BTN3A2: variants seen among roughly 807,000 people sequenced by gnomAD.
BTN3A2 encodes the protein butyrophilin subfamily 3 member A2.
BTN3A2 carries 25 observed loss-of-function variants against 37.6 expected under a neutral mutation model. The observed-to-expected ratio is 0.66, with a 90% confidence interval of 0.48 to 0.93. BTN3A2 has a LOEUF of 0.93. Ranked by LOEUF, BTN3A2 falls within the 40% of genes least tolerant of loss-of-function variation. The pLI is 0.00. For synonymous variants in BTN3A2, 122 were observed against 159.4 expected (o/e 0.77, Z 1.77); for missense variants, 266 against 410.9 (o/e 0.65, Z 3.05).
chr6:26,372,918 A>G lies in BTN3A2; in HGVS notation c.737A>G (p.Gln246Arg). 1 of 1,613,824 alleles carries G rather than the reference A, an allele frequency of 6.2e-7. No individual in the cohort carries two copies. The highest frequency in any genetic ancestry group is 8.5e-7 in the Non-Finnish European group (1 of 1,180,034). The change falls in exon 6 of 11, where the codon CAG (glutamine) becomes CGG (arginine). Residue 246 changes from glutamine (Q) to arginine (R), a missense_variant. By Grantham distance (43) the Gln-to-Arg change is conservative. Coordinates refer to ENST00000377708, the MANE Select transcript of BTN3A2 (RefSeq NM_007047.5). ...SIADPFFRSA[Q>R]PWIAALAGTL... ...GCAGACCCCTTCTTCAGGAGCGCCCAGCCCTGGATCGCAGCCCTGGCAGGG... is the reference window on the plus strand; with the variant it reads ...GCAGACCCCTTCTTCAGGAGCGCCCGGCCCTGGATCGCAGCCCTGGCAGGG...
At chr6:26,373,159 C>T in intron 6 of BTN3A2, 62 bp downstream of exon 6, 1 of 1,606,802 alleles carries the variant, frequency 6.2e-7, no homozygotes, top group South Asian at 1.1e-5. Context: ...GAAAACCTCA[C>T]CTCTCTCCCC....
Position 26,368,731 on chromosome 6 carries a change from A to G in BTN3A2, c.252A>G (p.Glu84=), listed in dbSNP as rs753514435. 9 of 1,613,714 alleles carry G rather than the reference A, an allele frequency of 5.6e-6. No individual in the cohort carries two copies. Among genetic ancestry groups the G allele is most frequent in the East Asian group, 2.2e-5 (1 of 44,884 alleles). The change falls in exon 4 of 11, where the codon GAA becomes GAG. Residue 84 remains glutamate (E), a synonymous_variant. Coordinates refer to ENST00000377708, the MANE Select transcript of BTN3A2 (RefSeq NM_007047.5). ...QVVNVYADGK[E]VEDRQSAPYR... The stretch of plus-strand genomic sequence containing the variant: ...TGAACGTGTATGCAGATGGAAAGGA[A>G]GTGGAAGACAGGCAGAGTGCACCGT...
chr6:26,376,048 T>G lies in BTN3A2; in HGVS notation c.*286T>G, dbSNP rs2113722792. ...GGTGAAACCCCGTCTCTACTAAAAA[T>G]ACAAAAAATAAAAAATTAGCCGGGC... On this transcript the variant is annotated 3_prime_UTR_variant, in exon 11 of 11. Transcript: ENST00000377708. 1 of 460,262 alleles carries G rather than the reference T, an allele frequency of 2.2e-6. No individual in the cohort carries two copies. Among genetic ancestry groups the G allele is most frequent in the East Asian group, 4.2e-5 (1 of 23,836 alleles). 28.5% of individuals were successfully genotyped at this position (460,262 alleles called of 1,614,324 possible).
At chr6:26,372,078 G>C (rs1760173148) in intron 5 of BTN3A2, among the ~76,000 whole-genome samples, 1 of 152,178 alleles carries the variant, frequency 6.6e-6, no homozygotes, top group South Asian at 2.1e-4. Flanking sequence ...ATACTGCACA[G>C]TTTGTAAAAG....
Position 26,377,175 on chromosome 6 carries a change from A to G in BTN3A2, c.*1413A>G. 8.0e-7 allele frequency: 1 copy of G among 1,255,702 alleles called. No individual in the cohort carries two copies. The highest frequency in any genetic ancestry group is 1.2e-6 in the Non-Finnish European group (1 of 854,804). The allele number at this position is 1,255,702 out of a possible 1,614,324, so 77.8% of individuals were successfully genotyped here. A position where few individuals can be genotyped will look rare whatever the true frequency, so the allele number is the denominator to read the frequency against. ...GATACCACTGACCCCAGGCTTAGCT[A>G]ATGAAAGTGGGGAGCCTCAGGCTGA... On this transcript the variant is annotated 3_prime_UTR_variant, in exon 11 of 11. Coordinates refer to ENST00000377708, the MANE Select transcript of BTN3A2 (RefSeq NM_007047.5).
Position 26,370,271 on chromosome 6 carries a change from C to T in BTN3A2, c.434-51C>T, listed in dbSNP as rs773645544. 3.2e-6 allele frequency: 5 copies of T among 1,579,368 alleles called. No individual in the cohort carries two copies. The African/African-American group carries it at 5.4e-5, about 17-fold the overall frequency. On this transcript the variant is annotated intron_variant, in intron 4 of 10. Coordinates refer to ENST00000377708, the MANE Select transcript of BTN3A2 (RefSeq NM_007047.5). ...CCTGACATTGATTCCCATTGAGACC[C>T]TCCCTAATACAGGAGCTATCCAGAA...
chr6:26,373,880 G>A (rs1308141406), intron 8 of BTN3A2: 1 of 180,624 alleles, frequency 5.5e-6, no homozygotes, highest in African/African-American at 2.4e-5. Context: ...GGCTCAGTTG[G>A]TACAGATAGA....
In BTN3A2 at chr6:26,374,201, TAAAAAAAAAAAAA is replaced by T. The variant is rs34655395; in HGVS notation, c.965-99_965-87del. The T allele has an allele frequency of 5.1e-3, 1,252 of 246,466 alleles. 3 individuals are homozygous for T. Among genetic ancestry groups the T allele is most frequent in the South Asian group, 0.013 (293 of 21,952 alleles). The allele number at this position is 246,466 out of a possible 1,614,324, so 15.3% of individuals were successfully genotyped here. On this transcript the variant is annotated intron_variant, in intron 8 of 10. Transcript: ENST00000377708. The stretch of plus-strand genomic sequence containing the variant: ...GAGACCATGGGGAAGGGTGGGATGG[TAAAAAAAAAAAAA>T]AAAAAAAAAAAAAAAAAAAAAAAAA...
intron 1 of BTN3A2, among the ~76,000 whole-genome samples, chr6:26,366,404 C>T (rs1268671473): frequency 6.6e-6 from 1 of 152,144 alleles, no homozygotes; most frequent in African/African-American, 2.4e-5. Context: ...TGGCCAAATG[C>T]TTCCAGAAAC....
Position 26,365,297 on chromosome 6 carries a change from A to T in BTN3A2, c.-122A>T. On this transcript the variant is annotated 5_prime_UTR_variant, in exon 1 of 11. Transcript: ENST00000377708. ...GCCATAATAGAAAGAATGGAGAATT[A>T]TTGATTGACCGTCTTTATTCTGTGG... is the stretch of plus-strand genomic sequence containing the variant. The T allele has an allele frequency of 6.5e-7, 1 of 1,535,162 alleles. No individual in the cohort carries two copies. The highest frequency in any genetic ancestry group is 1.2e-5 in the South Asian group (1 of 84,038).
At chr6:26,375,678 A>G (rs1760653590) in intron 10 of BTN3A2, 119 bp from the exon 11 acceptor site, 1 of 1,519,182 alleles carries the variant, frequency 6.6e-7, no homozygotes, top group Non-Finnish European at 8.8e-7. Flanking sequence ...CAGCACAGAG[A>G]CGGCCTTGCA....
rs1760726428 is a variant in BTN3A2, at chr6:26,376,531, A to C, written c.*769A>C. ...CATGCTGTGGCTCTTAAATCCAGGA[A>C]AAATGGCTGACCCCATGGACACCTC... is the stretch of plus-strand genomic sequence containing the variant. On this transcript the variant is annotated 3_prime_UTR_variant, in exon 11 of 11. Transcript: ENST00000377708. The C allele has an allele frequency of 1.5e-6, 2 of 1,336,612 alleles. No individual in the cohort carries two copies. The highest frequency in any genetic ancestry group is 5.1e-5 in the East Asian group (2 of 39,588). 82.8% of individuals were successfully genotyped at this position (1,336,612 alleles called of 1,614,324 possible).
intron 2 of BTN3A2, 51 bp from the exon 3 acceptor site, chr6:26,368,127 T>C (rs1225404304): frequency 1.2e-5 from 20 of 1,606,704 alleles, no homozygotes; most frequent in Admixed American, 1.7e-5. Context: ...CTAAAGCTTC[T>C]TCCAGGCCAT....
At chr6:26,374,182 A>G (rs9379870) in intron 8 of BTN3A2, 145 bp from the exon 9 acceptor site, 123,438 of 483,318 alleles carry the variant, frequency 0.26, 21,581 homozygotes, top group African/African-American at 0.36. Flanking sequence ...GATGGAGACC[A>G]TGGGGAAGGG....
chr6:26,374,697 T>C, intron 9 of BTN3A2, 74 bp from the exon 10 acceptor site: 1 of 1,402,038 alleles, frequency 7.1e-7, no homozygotes, highest in Non-Finnish European at 1.0e-6. Context: ...AGAAAACATG[T>C]AGTGAGAGGA....
rs545850739 is a variant in BTN3A2, at chr6:26,377,225, C to A, written c.*1463C>A. On this transcript the variant is annotated 3_prime_UTR_variant, in exon 11 of 11. Transcript: ENST00000377708. ...AAGTAACATCTCTGCTTCTCCCTGC[C>A]CAGCCTGGAGCTAAGGGTCTCACCC... 30 of 1,019,358 alleles carry A rather than the reference C, an allele frequency of 2.9e-5. 1 individual carries two copies. In the South Asian group the frequency reaches 3.8e-4, roughly 13 times the overall value. 63.1% of individuals were successfully genotyped at this position (1,019,358 alleles called of 1,614,324 possible).
Position 26,374,764 on chromosome 6 carries a change from C to T in BTN3A2, c.*7-7C>T, listed in dbSNP as rs561730718. The T allele has an allele frequency of 3.9e-6, 6 of 1,532,074 alleles. No individual in the cohort carries two copies. The East Asian group carries it at 6.8e-5, about 17-fold the overall frequency. The allele number at this position is 1,532,074 out of a possible 1,614,324, so 94.9% of individuals were successfully genotyped here. A position where few individuals can be genotyped will look rare whatever the true frequency, so the allele number is the denominator to read the frequency against. On this transcript the variant is annotated splice_region_variant and splice_polypyrimidine_tract_variant and intron_variant, in intron 9 of 10. Coordinates refer to ENST00000377708, the MANE Select transcript of BTN3A2 (RefSeq NM_007047.5). ...CCTTTTTCTTATCTGTGTCTCCTTC[C>T]TTTCAGAATGGAAAAATGGCCCTCT...
At position 26,376,905 on chromosome 6, in the gene BTN3A2, A is replaced by G. The variant is rs1760747809; in HGVS notation, c.*1143A>G. 6.2e-7 allele frequency: 1 copy of G among 1,613,784 alleles called. No individual in the cohort carries two copies. Among genetic ancestry groups the G allele is most frequent in the Non-Finnish European group, 8.5e-7 (1 of 1,179,882 alleles). ...TCGGGCTCTCACTGAGCCCAGAACC[A>G]ACCTGAAACTTCCTGAGCCTCCTAG... On this transcript the variant is annotated 3_prime_UTR_variant, in exon 11 of 11. Coordinates refer to ENST00000377708, the MANE Select transcript of BTN3A2 (RefSeq NM_007047.5).
chr6:26,375,473 C>T (rs925034991), intron 10 of BTN3A2: 28 of 603,618 alleles, frequency 4.6e-5, no homozygotes, highest in East Asian at 2.2e-4. Flanking sequence ...GGAAATTAAA[C>T]GGTGTGTATC....
Sources: gnomAD v4.1 joint callset for allele counts (sites outside exome capture counted in the v4.1 genomes callset) on GRCh38, gnomAD v4.1.1 for gene constraint, MANE v1.5 for transcripts, NCBI Gene and HGNC (gene_info 2026-07-23, HGNC 2026-07-21) for gene names.